GUCY1A2: variants seen among roughly 807,000 people sequenced by gnomAD.
GUCY1A2 encodes the protein guanylate cyclase soluble subunit alpha-2.
In GUCY1A2, 27 loss-of-function variants were observed where a neutral mutation model predicts 63.5. The observed-to-expected ratio is 0.43, with a 90% CI of 0.31 to 0.59. The LOEUF (loss-of-function observed/expected upper bound fraction) is 0.59. Ranked by LOEUF, GUCY1A2 falls within the 20% of genes least tolerant of loss-of-function variation. The pLI is 0.11. For synonymous variants in GUCY1A2, 364 were observed against 343.5 expected, an observed-to-expected ratio of 1.06 and a Z score of -0.66; for missense variants, 768 against 913.3, an observed-to-expected ratio of 0.84 and a Z score of 2.05.
intron 4 of GUCY1A2, among the ~76,000 whole-genome samples, chr11:106,867,944 A>G (rs554177342): frequency 6.6e-6 from 1 of 152,026 alleles, no homozygotes; most frequent in African/African-American, 2.4e-5. Flanking sequence ...TTGAATTTAT[A>G]TGAGAATTGC....
chr11:106,954,056 CT>C (rs1308158636), intron 3 of GUCY1A2, among the ~76,000 whole-genome samples: 1 of 151,968 alleles, frequency 6.6e-6, no homozygotes, highest in East Asian at 1.9e-4. Context: ...CTTCTGCTAC[CT>C]TTTGGATTAG....
At chr11:106,718,697 A>C (rs552110389) in intron 6 of GUCY1A2, among the ~76,000 whole-genome samples, 1 of 152,266 alleles carries the variant, frequency 6.6e-6, no homozygotes, top group African/African-American at 2.4e-5. Context: ...TTGAATATGC[A>C]TGTACTTAGA....
In GUCY1A2 at chr11:106,686,216, A is replaced by G. The variant is rs554806456; in HGVS notation, c.*1333T>C. On this transcript the variant is annotated 3_prime_UTR_variant, in exon 8 of 8. Coordinates refer to ENST00000526355, the MANE Select transcript of GUCY1A2 (RefSeq NM_000855.3). ...CCTAATTTTAGTGTGAGCCAGTAAT[A>G]TTTTCATGCAGTATTGATTAATGAG... is the stretch of plus-strand genomic sequence containing the variant. 7.8e-5 allele frequency: 17 copies of G among 217,288 alleles called. No individual in the cohort carries two copies. Among genetic ancestry groups the G allele is most frequent in the Non-Finnish European group, 1.5e-4 (16 of 108,064 alleles). The allele number at this position is 217,288 out of a possible 1,614,324, so 13.5% of individuals were successfully genotyped here. A position where few individuals can be genotyped will look rare whatever the true frequency, so the allele number is the denominator to read the frequency against.
intron 4 of GUCY1A2, among the ~76,000 whole-genome samples, chr11:106,909,799 A>G (rs1237963089): frequency 6.6e-6 from 1 of 151,966 alleles, no homozygotes; most frequent in African/African-American, 2.4e-5. Context: ...CAATATGAAT[A>G]AAGCTGTCAT....
intron 4 of GUCY1A2, among the ~76,000 whole-genome samples, chr11:106,935,229 T>C (rs1249112157): frequency 6.6e-6 from 1 of 152,142 alleles, no homozygotes; most frequent in Non-Finnish European, 1.5e-5. Flanking sequence ...GGTGCTTTCA[T>C]CTATAAGGCA....
chr11:106,908,744 T>C (rs756639659), intron 4 of GUCY1A2, among the ~76,000 whole-genome samples: 12 of 152,052 alleles, frequency 7.9e-5, no homozygotes, highest in Admixed American at 2.0e-4. Flanking sequence ...AGGATATAAA[T>C]AGGTACGACC....
chr11:106,954,831 T>C (rs962119439), intron 3 of GUCY1A2, among the ~76,000 whole-genome samples: 12 of 152,156 alleles, frequency 7.9e-5, no homozygotes, highest in Admixed American at 7.9e-4. Flanking sequence ...ACCCCTGCTT[T>C]CTTGTTTTTT....
At chr11:106,699,586 A>T (rs1302235346) in intron 7 of GUCY1A2, among the ~76,000 whole-genome samples, 1 of 152,068 alleles carries the variant, frequency 6.6e-6, no homozygotes, top group East Asian at 1.9e-4. Context: ...GAATCCTGGA[A>T]CTAGGTAATT....
At chr11:106,713,513 T>C (rs1175163179) in intron 6 of GUCY1A2, among the ~76,000 whole-genome samples, 30 of 137,962 alleles carry the variant, frequency 2.2e-4, no homozygotes, top group African/African-American at 7.1e-4. Context: ...TTTTTTTTTT[T>C]TTTTTTTTTT....
chr11:106,736,304 G>T (rs181520162), intron 6 of GUCY1A2, among the ~76,000 whole-genome samples: 2 of 152,194 alleles, frequency 1.3e-5, no homozygotes, highest in South Asian at 4.1e-4. Flanking sequence ...TTGATTTGAT[G>T]TGCCTATGGT....
Position 106,693,653 on chromosome 11 carries a change from T to C in GUCY1A2, c.1992-5897A>G, listed in dbSNP as rs554808774. Reference sequence around the variant, plus strand: ...CTGGTAAATTAATCTTCTAATTTGTTTTCCTTTTTCTCGAATTATTCCCTC... The same window carrying C: ...CTGGTAAATTAATCTTCTAATTTGTCTTCCTTTTTCTCGAATTATTCCCTC... On this transcript the variant is annotated intron_variant, in intron 7 of 7. Transcript: ENST00000526355. Among the ~76,000 whole-genome samples the C allele has an allele frequency of 4.6e-5, 7 of 152,280 alleles. No homozygotes were observed. In the South Asian group the frequency reaches 1.5e-3, roughly 32 times the overall value.
In GUCY1A2 at chr11:106,872,346, T is replaced by A. The variant is rs367585039; in HGVS notation, c.1207-61868A>T. Among the ~76,000 whole-genome samples the A allele has an allele frequency of 3.3e-5, 5 of 152,144 alleles. No homozygotes were observed. In the East Asian group the frequency reaches 5.8e-4, roughly 18 times the overall value. ...ATACTAATATTATCATAAGTGACAC[T>A]CATATTCCTACTTGCAGAATCCAGA... On this transcript the variant is annotated intron_variant, in intron 4 of 7. Transcript: ENST00000526355.
At chr11:106,711,797 C>T (rs1467776945) in intron 6 of GUCY1A2, among the ~76,000 whole-genome samples, 4 of 152,102 alleles carry the variant, frequency 2.6e-5, no homozygotes, top group Admixed American at 2.6e-4. Flanking sequence ...GTGAAAGATA[C>T]TTTCACTGCA....
intron 6 of GUCY1A2, among the ~76,000 whole-genome samples, chr11:106,769,751 ACTC>A (rs1244977114): frequency 1.3e-5 from 2 of 152,052 alleles, no homozygotes; most frequent in African/African-American, 2.4e-5. Context: ...AAATTTAAAT[ACTC>A]CTAATTGATA....
chr11:106,938,324 G>A (rs897082783), intron 4 of GUCY1A2, among the ~76,000 whole-genome samples: 2 of 152,146 alleles, frequency 1.3e-5, no homozygotes, highest in African/African-American at 4.8e-5. Flanking sequence ...AACTAATGCT[G>A]TATAAAATCC....
intron 3 of GUCY1A2, among the ~76,000 whole-genome samples, chr11:106,973,353 T>C (rs770306836): frequency 3.3e-5 from 5 of 152,112 alleles, no homozygotes; most frequent in Non-Finnish European, 7.4e-5. Context: ...ACCACGTTTG[T>C]GTTGTGATGG....
At chr11:106,964,808 T>C (rs1001340049) in intron 3 of GUCY1A2, among the ~76,000 whole-genome samples, 1 of 151,988 alleles carries the variant, frequency 6.6e-6, no homozygotes, top group African/African-American at 2.4e-5. Context: ...TGAAACCCCA[T>C]CTCTACTAAA....
chr11:106,993,546 A>AC (rs60394951), intron 1 of GUCY1A2, among the ~76,000 whole-genome samples: 46 of 152,054 alleles, frequency 3.0e-4, no homozygotes, highest in Non-Finnish European at 5.9e-4. Flanking sequence ...AATAAAAAAA[A>AC]GACTGCAAAT....
At chr11:106,956,142 C>A (rs1860981203) in intron 3 of GUCY1A2, among the ~76,000 whole-genome samples, 1 of 151,688 alleles carries the variant, frequency 6.6e-6, no homozygotes, top group Non-Finnish European at 1.5e-5. Flanking sequence ...TCCATCAGGT[C>A]ATTTATGTTT....
Sources: gnomAD v4.1 joint callset for allele counts (sites outside exome capture counted in the v4.1 genomes callset) on GRCh38, gnomAD v4.1.1 for gene constraint, MANE v1.5 for transcripts, NCBI Gene and HGNC (gene_info 2026-07-23, HGNC 2026-07-21) for gene names.